TAX1BP1: variants seen among roughly 807,000 people sequenced by gnomAD.
TAX1BP1 encodes tax1-binding protein 1.
Under a neutral mutation model 97.7 loss-of-function variants are expected in TAX1BP1, and 62 were observed. The observed-to-expected ratio is 0.63, with a 90% CI of 0.52 to 0.78. TAX1BP1 has a LOEUF of 0.78. Ranked by LOEUF, TAX1BP1 falls within the 30% of genes least tolerant of loss-of-function variation. TAX1BP1 has a pLI of 0.00. For missense variants in TAX1BP1, 867 were observed against 916.1 expected (o/e 0.95, Z 0.69); for synonymous variants, 340 against 304.2 (o/e 1.12, Z -1.23).
intron 5 of TAX1BP1, among the ~76,000 whole-genome samples, chr7:27,772,733 G>C (rs1788891469): frequency 6.6e-6 from 1 of 151,904 alleles, no homozygotes. Flanking sequence ...ACAACAGATT[G>C]GTTTAAATTA....
chr7:27,777,910 T>C (rs565751593), intron 5 of TAX1BP1, among the ~76,000 whole-genome samples: 1 of 152,350 alleles, frequency 6.6e-6, no homozygotes, highest in East Asian at 1.9e-4. Context: ...TTTTTAGTTT[T>C]CAGGTGGTAG....
intron 12 of TAX1BP1, among the ~76,000 whole-genome samples, chr7:27,797,311 T>TA (rs1789972879): frequency 6.6e-6 from 1 of 152,128 alleles, no homozygotes; most frequent in African/African-American, 2.4e-5. Flanking sequence ...TTGATTATTT[T>TA]AAACAGCTTC....
intron 2 of TAX1BP1, among the ~76,000 whole-genome samples, chr7:27,755,632 C>T (rs1788184614): frequency 6.6e-6 from 1 of 152,208 alleles, no homozygotes; most frequent in African/African-American, 2.4e-5. Context: ...TCTCCCTTCT[C>T]TGTCACCCTT....
chr7:27,776,479 G>A (rs576543605), intron 5 of TAX1BP1, among the ~76,000 whole-genome samples: 22 of 152,122 alleles, frequency 1.4e-4, no homozygotes, highest in African/African-American at 4.8e-4. Context: ...TTCTTCTCAC[G>A]TTTATTGTTT....
intron 2 of TAX1BP1, among the ~76,000 whole-genome samples, chr7:27,749,703 C>T (rs1382850248): frequency 6.6e-6 from 1 of 152,144 alleles, no homozygotes; most frequent in Non-Finnish European, 1.5e-5. Flanking sequence ...TTACTGTTTA[C>T]TTTTTGTGTC....
intron 5 of TAX1BP1, among the ~76,000 whole-genome samples, chr7:27,775,936 C>G (rs1364007850): frequency 6.6e-6 from 1 of 152,096 alleles, no homozygotes; most frequent in Non-Finnish European, 1.5e-5. Flanking sequence ...CAAGCTAGTT[C>G]CAGCTTCTAC....
intron 5 of TAX1BP1, among the ~76,000 whole-genome samples, chr7:27,782,488 G>A (rs906712752): frequency 6.6e-6 from 1 of 151,990 alleles, no homozygotes; most frequent in African/African-American, 2.4e-5. Flanking sequence ...GACCTCAGGT[G>A]ACCCACCCAC....
In TAX1BP1 at chr7:27,746,428, T is replaced by C. The variant is rs564614483; in HGVS notation, c.-7-2090T>C. Among the ~76,000 whole-genome samples the C allele has an allele frequency of 2.3e-3, 346 of 150,574 alleles. 1 individual carries two copies. The highest frequency in any genetic ancestry group is 3.5e-3 in the Admixed American group (53 of 15,186). ...ACTGGAATTGGTGTTTTTTTTTTTT[T>C]CCTTTGTGAAGCCAGTGACTTGAGA... On this transcript the variant is annotated intron_variant, in intron 1 of 16. Transcript: ENST00000396319.
chr7:27,794,362 C>G lies in TAX1BP1; in HGVS notation c.1450C>G (p.Gln484Glu). 1 of 1,613,152 alleles carries G rather than the reference C, an allele frequency of 6.2e-7. No individual in the cohort carries two copies. The highest frequency in any genetic ancestry group is 8.5e-7 in the Non-Finnish European group (1 of 1,179,448). ...TGTCTTCACAAAGAAAACGGGGAATCAGCAGAAAGTGAATGATGCTTCAGT... is the reference window on the plus strand; with the variant it reads ...TGTCTTCACAAAGAAAACGGGGAATGAGCAGAAAGTGAATGATGCTTCAGT... ...NNVFTKKTGN[Q>E]QKVNDASVNT... is the part of the protein sequence containing the mutation. Residue 484 changes from glutamine (Q) to glutamate (E), a missense_variant, in exon 11 of 17, where the codon CAG (glutamine) becomes GAG (glutamate). This residue lies in a region of TAX1BP1 where 822 missense variants were observed against 851.4 expected (regional missense o/e 0.97). Coordinates refer to ENST00000396319, the MANE Select transcript of TAX1BP1 (RefSeq NM_006024.7).
intron 1 of TAX1BP1, among the ~76,000 whole-genome samples, chr7:27,744,776 C>T (rs1175985938): frequency 1.3e-5 from 2 of 152,136 alleles, no homozygotes; most frequent in African/African-American, 4.8e-5. Flanking sequence ...CTTCCCTGCC[C>T]CCACCCCATG....
intron 5 of TAX1BP1, chr7:27,772,606 T>C (rs1263680813): frequency 6.6e-6 from 1 of 152,062 alleles, no homozygotes; most frequent in East Asian, 1.9e-4. Context: ...TTTTCATCTT[T>C]TATCACATTG....
intron 15 of TAX1BP1, among the ~76,000 whole-genome samples, chr7:27,825,411 G>T (rs1791140786): frequency 6.6e-6 from 1 of 152,046 alleles, no homozygotes; most frequent in African/African-American, 2.4e-5. Context: ...TATCATGAGA[G>T]ACTTTATTAT....
At chr7:27,739,591 G>C (rs1409196075), upstream of TAX1BP1, 1 of 152,172 alleles carries the variant, frequency 6.6e-6, no homozygotes, top group Non-Finnish European at 1.5e-5. Flanking sequence ...GCCTCTGCTG[G>C]AGCGAGAGCA....
intron 13 of TAX1BP1, among the ~76,000 whole-genome samples, chr7:27,808,489 G>A (rs563356130): frequency 3.9e-5 from 6 of 152,132 alleles, no homozygotes; most frequent in Non-Finnish European, 8.8e-5. Flanking sequence ...TTTTTTTGGT[G>A]GGTAGGGTGG....
At chr7:27,800,780 G>A (rs1183342729) in intron 13 of TAX1BP1, among the ~76,000 whole-genome samples, 1 of 152,072 alleles carries the variant, frequency 6.6e-6, no homozygotes, top group Non-Finnish European at 1.5e-5. Flanking sequence ...TTAGGCAACA[G>A]ACAAGCCCAA....
In TAX1BP1 at chr7:27,785,170, CT is replaced by C. The variant is rs1489154287; in HGVS notation, c.621del (p.Glu208LysfsTer2). 1 of 1,606,962 alleles carries C rather than the reference CT, an allele frequency of 6.2e-7. No individual in the cohort carries two copies. The highest frequency in any genetic ancestry group is 8.5e-7 in the Non-Finnish European group (1 of 1,177,764). ...DQLQAEQKGLTEVTQSLKMEN... is the reference protein window; with the variant it reads ...DQLQAEQKGLXEVTQSLKMEN... ...CTTGTTGTCACTTCTCAGGGTCTTA[CT>C]GAAGTAACACAAAGCTTAAAAATGG... On this transcript the variant is annotated frameshift_variant, in exon 6 of 17. Coordinates refer to ENST00000396319, the MANE Select transcript of TAX1BP1 (RefSeq NM_006024.7). LOFTEE classifies it high-confidence loss of function.
intron 1 of TAX1BP1, among the ~76,000 whole-genome samples, chr7:27,747,919 A>T (rs979673906): frequency 6.6e-6 from 1 of 151,990 alleles, no homozygotes; most frequent in Non-Finnish European, 1.5e-5. Context: ...AGGGTTGAGA[A>T]ATGCTGGTCC....
At chr7:27,786,313 T>G (rs531071233) in intron 7 of TAX1BP1, among the ~76,000 whole-genome samples, 18 of 152,164 alleles carry the variant, frequency 1.2e-4, no homozygotes, top group Non-Finnish European at 1.6e-4. Context: ...TTGTATTTTT[T>G]TAGTAGAGAC....
chr7:27,761,416 T>C (rs935129791), intron 3 of TAX1BP1, among the ~76,000 whole-genome samples: 6 of 152,286 alleles, frequency 3.9e-5, no homozygotes, highest in Middle Eastern at 3.4e-3. Flanking sequence ...TGAAGACATA[T>C]ACCTACTGTT....
Sources: allele counts gnomAD v4.1 joint callset (sites outside exome capture counted in the v4.1 genomes callset), GRCh38; gene constraint gnomAD v4.1.1; regional missense constraint gnomAD v4.1.1; transcripts MANE v1.5; gene names NCBI Gene and HGNC (gene_info 2026-07-23, HGNC 2026-07-21).